PVT1: variants seen among roughly 807,000 people sequenced by gnomAD.
The protein encoded by PVT1 is CXCR4/PVT1 fusion.
chr8:128,095,296 GA>G (rs1814413519), intron 5 of PVT1, among the ~76,000 whole-genome samples: 1 of 152,176 alleles, frequency 6.6e-6, no homozygotes, highest in Non-Finnish European at 1.5e-5. Context: ...TTCTTGGGGT[GA>G]GGGTGGGGTG....
chr8:128,067,531 C>T (rs926337121), intron 4 of PVT1, among the ~76,000 whole-genome samples: 1 of 152,176 alleles, frequency 6.6e-6, no homozygotes, highest in African/African-American at 2.4e-5. Context: ...AGAAAAGGAA[C>T]ACACAGGATG....
chr8:127,838,267 A>C (rs1399107699), intron 2 of PVT1, among the ~76,000 whole-genome samples: 1 of 152,178 alleles, frequency 6.6e-6, no homozygotes, highest in Admixed American at 6.5e-5. Context: ...AATTTGCTGC[A>C]GAGTGAGGTT....
At chr8:127,806,155 C>A (rs968999763) in intron 2 of PVT1, among the ~76,000 whole-genome samples, 1 of 152,052 alleles carries the variant, frequency 6.6e-6, no homozygotes, top group Admixed American at 6.6e-5. Context: ...TAGGACCATG[C>A]AGTGCTCATA....
At chr8:127,991,900 G>A (rs1817046242) in intron 4 of PVT1, among the ~76,000 whole-genome samples, 1 of 152,152 alleles carries the variant, frequency 6.6e-6, no homozygotes, top group Non-Finnish European at 1.5e-5. Context: ...CACACCAATA[G>A]GAGGGCATCC....
At chr8:127,817,530 T>TAA (rs1563613254) in intron 2 of PVT1, among the ~76,000 whole-genome samples, 1 of 14,970 alleles carries the variant, frequency 6.7e-5, no homozygotes, top group Admixed American at 9.9e-4. Flanking sequence ...TCTATTTAAA[T>TAA]ATATATATAT....
chr8:127,958,123 T>A (rs1415745853), intron 3 of PVT1, among the ~76,000 whole-genome samples: 1 of 152,248 alleles, frequency 6.6e-6, no homozygotes, highest in African/African-American at 2.4e-5. Context: ...GATCTAAGTG[T>A]GGAGGAGGTT....
chr8:127,937,580 C>CACACAGAGAGAG (rs59006608), intron 3 of PVT1, among the ~76,000 whole-genome samples: 17 of 107,866 alleles, frequency 1.6e-4, no homozygotes, highest in African/African-American at 5.9e-4. Context: ...CACACACACA[C>CACACAGAGAGAG]AGAGAGAGAG....
At chr8:127,919,684 A>T (rs969510909) in intron 3 of PVT1, among the ~76,000 whole-genome samples, 2 of 152,090 alleles carry the variant, frequency 1.3e-5, no homozygotes, top group African/African-American at 4.8e-5. Flanking sequence ...CTGGCCTCTG[A>T]TCAGGGTCCC....
chr8:127,854,512 C>T (rs986710927), intron 2 of PVT1, among the ~76,000 whole-genome samples: 1 of 152,142 alleles, frequency 6.6e-6, no homozygotes, highest in Non-Finnish European at 1.5e-5. Flanking sequence ...TCTCTGATGC[C>T]AGAGAGACAC....
rs141966104 is a variant in PVT1, at chr8:127,942,126, A to G, written n.783-47036A>G. On this transcript the variant is annotated intron_variant and non_coding_transcript_variant, in intron 3 of 10. Coordinates refer to ENST00000651587, the Ensembl canonical transcript of PVT1. Reference sequence around the variant, plus strand: ...TAACTCCCTGCATGTGGCTCTTAAGACTCACAAGCCCATGTTTGCCTTGGC... The same window carrying G: ...TAACTCCCTGCATGTGGCTCTTAAGGCTCACAAGCCCATGTTTGCCTTGGC... 1.8e-4 allele frequency among the ~76,000 whole-genome samples: 27 copies of G among 152,038 alleles called. 1 individual carries two copies. The East Asian group carries it at 5.2e-3, about 30-fold the overall frequency.
chr8:127,950,702 G>A (rs1227260642), intron 3 of PVT1, among the ~76,000 whole-genome samples: 1 of 152,200 alleles, frequency 6.6e-6, no homozygotes, highest in Non-Finnish European at 1.5e-5. Context: ...AAAGGGCCTG[G>A]GCTGGGAATT....
chr8:128,024,580 TTG>T (rs1817472643), intron 4 of PVT1, among the ~76,000 whole-genome samples: 1 of 152,144 alleles, frequency 6.6e-6, no homozygotes, highest in Non-Finnish European at 1.5e-5. Flanking sequence ...CAAGCCATGA[TTG>T]TGTCACTGCA....
intron 3 of PVT1, among the ~76,000 whole-genome samples, chr8:127,944,562 T>A (rs938694087): frequency 6.6e-6 from 1 of 151,790 alleles, no homozygotes; most frequent in African/African-American, 2.4e-5. Flanking sequence ...CCATTTTTTT[T>A]TTTTTTAAAT....
chr8:127,936,260 C>G (rs924926119), intron 3 of PVT1, among the ~76,000 whole-genome samples: 8 of 151,828 alleles, frequency 5.3e-5, no homozygotes, highest in Non-Finnish European at 1.5e-5. Flanking sequence ...CCATGTTGGT[C>G]GGGCTGGTCT....
At chr8:127,865,777 A>G (rs1293297467) in intron 2 of PVT1, among the ~76,000 whole-genome samples, 1 of 152,196 alleles carries the variant, frequency 6.6e-6, no homozygotes. Flanking sequence ...CGGCAGCCCT[A>G]GGAAGTGAAT....
intron 5 of PVT1, among the ~76,000 whole-genome samples, chr8:128,085,010 A>T (rs1171021070): frequency 6.6e-6 from 1 of 152,128 alleles, no homozygotes; most frequent in Non-Finnish European, 1.5e-5. Context: ...AAACAAAATG[A>T]CCTTGTTCCT....
chr8:128,009,772 G>A (rs1412211660), intron 4 of PVT1: 1 of 152,116 alleles, frequency 6.6e-6, no homozygotes, highest in African/African-American at 2.4e-5. Context: ...TGACTAGCAG[G>A]GTAAACCACG....
intron 2 of PVT1, among the ~76,000 whole-genome samples, chr8:127,802,531 C>T (rs1814476600): frequency 1.3e-5 from 2 of 152,178 alleles, no homozygotes; most frequent in African/African-American, 4.8e-5. Flanking sequence ...ATCTCATGAA[C>T]CAATTCTTTG....
In PVT1 at chr8:127,984,857, CT is replaced by C. The variant is rs1563657376; in HGVS notation, n.783-4302del. Among the ~76,000 whole-genome samples, 196 of 43,188 alleles carry C rather than the reference CT, an allele frequency of 4.5e-3. 3 individuals are homozygous for C. Among genetic ancestry groups the C allele is most frequent in the African/African-American group, 0.012 (173 of 15,018 alleles). The allele number at this position is 43,188 out of a possible 152,430, so 28.3% of individuals were successfully genotyped here. A position where few individuals can be genotyped will look rare whatever the true frequency, so the allele number is the denominator to read the frequency against. ...TTTTCTTTTCTTTCTTTCTTTCTTT[CT>C]TTCTTTCTTTCTTTCTTTCTTTCTT... is the stretch of plus-strand genomic sequence containing the variant. On this transcript the variant is annotated intron_variant and non_coding_transcript_variant, in intron 3 of 10. Coordinates refer to ENST00000651587, the Ensembl canonical transcript of PVT1.
Sources: gnomAD v4.1 joint callset for allele counts (sites outside exome capture counted in the v4.1 genomes callset) on GRCh38, gnomAD v4.1.1 for gene constraint, MANE v1.5 for transcripts, NCBI Gene and HGNC (gene_info 2026-07-23, HGNC 2026-07-21) for gene names.